Variants in SHISA9 observed in about 807,000 individuals in gnomAD.
The protein encoded by SHISA9 is shisa family member 9, also known as protein shisa-9.
SHISA9 carries 13 observed loss-of-function variants against 38.0 expected under a neutral mutation model. The ratio of observed to expected loss-of-function variants is 0.34; its 90% CI spans 0.22 to 0.54. SHISA9 has a LOEUF of 0.54. Ranked by LOEUF, SHISA9 falls within the 20% of genes least tolerant of loss-of-function variation. The pLI is 0.91. For missense variants in SHISA9, 538 were observed against 575.8 expected (o/e 0.93, Z 0.67); for synonymous variants, 275 against 242.0 (o/e 1.14, Z -1.27).
intron 2 of SHISA9, among the ~76,000 whole-genome samples, chr16:13,053,877 G>A (rs1205829030): frequency 6.6e-6 from 1 of 152,244 alleles, no homozygotes; most frequent in Non-Finnish European, 1.5e-5. Context: ...TCTAAAGATG[G>A]TTAAAGATTA....
rs975111919 is a variant in SHISA9 at position 12,986,898 on chromosome 16, C to T, written c.691+70083C>T. Among the ~76,000 whole-genome samples the T allele has an allele frequency of 6.6e-5, 10 of 152,306 alleles. No individual in the cohort carries two copies. The East Asian group carries it at 1.5e-3, about 24-fold the overall frequency. On this transcript the variant is annotated intron_variant, in intron 2 of 4. Coordinates refer to ENST00000558583, the MANE Select transcript of SHISA9 (RefSeq NM_001145204.3). Reference sequence around the variant, plus strand: ...GGAGTTAAAACCAGCCAGTCTGGCTCAAGGGCCTGAGCCCTTCACCATGAC... The same window carrying T: ...GGAGTTAAAACCAGCCAGTCTGGCTTAAGGGCCTGAGCCCTTCACCATGAC...
the SHISA9 span, among the ~76,000 whole-genome samples, chr16:13,313,482 C>T: frequency 6.6e-6 from 1 of 152,046 alleles, no homozygotes; most frequent in Non-Finnish European, 1.5e-5. Context: ...ATCTAGAAGT[C>T]ACATGTTATT....
chr16:13,321,118 G>A, the SHISA9 span, among the ~76,000 whole-genome samples: 2 of 152,146 alleles, frequency 1.3e-5, no homozygotes, highest in African/African-American at 4.8e-5. Context: ...TACATTGGAC[G>A]GCACATCTTC....
At chr16:13,551,135 AAAG>A in the SHISA9 span, among the ~76,000 whole-genome samples, 3 of 151,682 alleles carry the variant, frequency 2.0e-5, no homozygotes, top group African/African-American at 4.8e-5. Flanking sequence ...AAAAAAAAAA[AAAG>A]AAGTGATGGG....
chr16:13,469,320 G>GAGAGAGAAAGAA, the SHISA9 span, among the ~76,000 whole-genome samples: 74 of 61,596 alleles, frequency 1.2e-3, 1 homozygote, highest in African/African-American at 3.4e-3. Flanking sequence ...GAGAGAGAGA[G>GAGAGAGAAAGAA]AGAAAGAAAG....
intron 2 of SHISA9, among the ~76,000 whole-genome samples, chr16:13,056,692 A>C (rs1240812822): frequency 1.3e-5 from 2 of 152,218 alleles, no homozygotes; most frequent in African/African-American, 4.8e-5. Flanking sequence ...CCTTTCCCAT[A>C]AAACTTGCCT....
At chr16:13,326,510 C>G in the SHISA9 span, among the ~76,000 whole-genome samples, 1 of 152,144 alleles carries the variant, frequency 6.6e-6, no homozygotes, top group African/African-American at 2.4e-5. Flanking sequence ...CACTTGAGGC[C>G]AGGAGTTCGA....
intron 2 of SHISA9, among the ~76,000 whole-genome samples, chr16:13,018,443 T>G (rs1397593754): frequency 6.6e-6 from 1 of 152,188 alleles, no homozygotes; most frequent in Non-Finnish European, 1.5e-5. Flanking sequence ...CTACCCCACC[T>G]GCTAGCATTT....
At chr16:13,075,923 C>G (rs924663422) in intron 2 of SHISA9, among the ~76,000 whole-genome samples, 31 of 152,110 alleles carry the variant, frequency 2.0e-4, no homozygotes, top group African/African-American at 7.5e-4. Context: ...TGGCTTCTAC[C>G]CATCAGATGC....
At chr16:13,158,762 A>G (rs1567231036) in intron 2 of SHISA9, among the ~76,000 whole-genome samples, 1 of 152,158 alleles carries the variant, frequency 6.6e-6, no homozygotes, top group South Asian at 2.1e-4. Context: ...GATGATTTTA[A>G]AAACACAGCA....
At chr16:13,096,955 GC>G (rs2073834177) in intron 2 of SHISA9, among the ~76,000 whole-genome samples, 1 of 151,940 alleles carries the variant, frequency 6.6e-6, no homozygotes, top group Non-Finnish European at 1.5e-5. Flanking sequence ...TTCCTACTGG[GC>G]TCCATTTCTC....
At chr16:13,298,709 C>G in the SHISA9 span, among the ~76,000 whole-genome samples, 2 of 152,186 alleles carry the variant, frequency 1.3e-5, no homozygotes, top group Non-Finnish European at 2.9e-5. Flanking sequence ...CCTGTCAAAG[C>G]CGTACTTCAT....
chr16:13,263,044 A>T, the SHISA9 span, among the ~76,000 whole-genome samples: 1,452 of 152,266 alleles, frequency 9.5e-3, 27 homozygotes, highest in African/African-American at 0.033. Context: ...ATTTTCTTGC[A>T]ACGTAACTAT....
the SHISA9 span, among the ~76,000 whole-genome samples, chr16:13,517,984 C>T: frequency 6.6e-6 from 1 of 152,138 alleles, no homozygotes; most frequent in Non-Finnish European, 1.5e-5. Context: ...TGGCAATGCC[C>T]CTTATTGCCG....
chr16:13,275,376 A>G, the SHISA9 span, among the ~76,000 whole-genome samples: 1 of 152,132 alleles, frequency 6.6e-6, no homozygotes, highest in Non-Finnish European at 1.5e-5. Context: ...GTCTAAGGTC[A>G]ATATGGTTCT....
At chr16:13,304,090 T>C in the SHISA9 span, among the ~76,000 whole-genome samples, 26 of 151,862 alleles carry the variant, frequency 1.7e-4, no homozygotes, top group Non-Finnish European at 3.4e-4. Flanking sequence ...ATACTACAGC[T>C]TTTTTGTTTA....
chr16:13,033,565 G>C (rs1328810624), intron 2 of SHISA9, among the ~76,000 whole-genome samples: 1 of 152,056 alleles, frequency 6.6e-6, no homozygotes. Flanking sequence ...CAAAAGAAAG[G>C]GTTCTGACCC....
the SHISA9 span, among the ~76,000 whole-genome samples, chr16:13,265,372 C>T: frequency 2.6e-5 from 3 of 113,546 alleles, no homozygotes; most frequent in South Asian, 1.1e-3. Context: ...CCATCCCCTT[C>T]CCTTCCTTCC....
At chr16:13,218,042 GGGAAGGAAGGTA>G (rs892489106) in intron 4 of SHISA9, among the ~76,000 whole-genome samples, 7 of 151,316 alleles carry the variant, frequency 4.6e-5, no homozygotes, top group Non-Finnish European at 1.0e-4. Context: ...GAGGGAGGGA[GGGAAGGAAGGTA>G]GGAAGGAAGG....
Sources: allele counts gnomAD v4.1 joint callset (sites outside exome capture counted in the v4.1 genomes callset), GRCh38; gene constraint gnomAD v4.1.1; transcripts MANE v1.5; gene names NCBI Gene and HGNC (gene_info 2026-07-23, HGNC 2026-07-21).